Variants in LRRTM4 observed in about 807,000 individuals in gnomAD.
The protein encoded by LRRTM4 is leucine rich repeat transmembrane neuronal 4.
LRRTM4 carries 25 observed loss-of-function variants against 47.6 expected under a neutral mutation model. The ratio of observed to expected loss-of-function variants is 0.53; its 90% CI spans 0.38 to 0.73. The LOEUF is 0.73. Among genes scored for constraint, LRRTM4 ranks in the 30% least tolerant of loss-of-function variants. The probability of loss-of-function intolerance (pLI) is 0.00; values close to 1 mark genes in which losing one functional copy is unlikely to be tolerated. For missense variants in LRRTM4, 638 were observed against 713.4 expected (o/e 0.89, Z 1.20); for synonymous variants, 311 against 269.5 (o/e 1.15, Z -1.51).
At chr2:76,811,258 T>A (rs1670724117) in intron 3 of LRRTM4, among the ~76,000 whole-genome samples, 1 of 152,176 alleles carries the variant, frequency 6.6e-6, no homozygotes, top group South Asian at 2.1e-4. Context: ...CAAGAGTGCA[T>A]GAATTAATCT....
At chr2:76,939,008 A>G (rs1028486142) in intron 3 of LRRTM4, among the ~76,000 whole-genome samples, 6 of 152,050 alleles carry the variant, frequency 3.9e-5, no homozygotes, top group African/African-American at 1.4e-4. Flanking sequence ...TGTGAGTAGG[A>G]GATTATGAAT....
chr2:77,007,127 A>G (rs1558793535), intron 3 of LRRTM4, among the ~76,000 whole-genome samples: 1 of 152,056 alleles, frequency 6.6e-6, no homozygotes, highest in Non-Finnish European at 1.5e-5. Flanking sequence ...AGAGAATTTG[A>G]AATTTTCCTG....
At position 77,247,605 on chromosome 2, in the gene LRRTM4, G is replaced by A. The variant is rs564133544; in HGVS notation, c.1551+270713C>T. 2.0e-5 allele frequency among the ~76,000 whole-genome samples: 3 copies of A among 152,072 alleles called. No individual in the cohort carries two copies. The East Asian group carries it at 5.8e-4, about 29-fold the overall frequency. ...ACAAACTACCTAATAACTCTAAATTGACTCTTATTTTTCATAACTTAGTTG... is the reference window on the plus strand; with the variant it reads ...ACAAACTACCTAATAACTCTAAATTAACTCTTATTTTTCATAACTTAGTTG... On this transcript the variant is annotated intron_variant, in intron 3 of 3. Coordinates refer to ENST00000409884, the MANE Select transcript of LRRTM4 (RefSeq NM_001134745.3).
chr2:77,453,639 A>T (rs997840106), intron 3 of LRRTM4, among the ~76,000 whole-genome samples: 12 of 152,060 alleles, frequency 7.9e-5, no homozygotes, highest in Non-Finnish European at 1.5e-4. Flanking sequence ...GCTTTTCTTG[A>T]TATAATATTT....
chr2:76,933,575 A>G (rs1017305495), intron 3 of LRRTM4, among the ~76,000 whole-genome samples: 1 of 152,128 alleles, frequency 6.6e-6, no homozygotes, highest in Non-Finnish European at 1.5e-5. Flanking sequence ...ATTGCATTTT[A>G]TAATTAATTA....
chr2:76,876,866 T>C (rs780482933), intron 3 of LRRTM4, among the ~76,000 whole-genome samples: 62 of 152,078 alleles, frequency 4.1e-4, no homozygotes, highest in Non-Finnish European at 7.8e-4. Context: ...ATTAATAAAT[T>C]GATAAGCCAG....
Position 77,519,532 on chromosome 2 carries a change from C to G in LRRTM4, c.337G>C (p.Glu113Gln). 2.5e-6 allele frequency: 4 copies of G among 1,613,410 alleles called. No individual in the cohort carries two copies. Among genetic ancestry groups the G allele is most frequent in the African/African-American group, 1.3e-5 (1 of 75,002 alleles). The change falls in exon 3 of 4, where the codon GAA becomes CAA. Residue 113 changes from glutamate to glutamine, a missense_variant. Physicochemically the swap from Glu to Gln is conservative, Grantham distance 29. Transcript: ENST00000409884. The surrounding 1 kb of genome is among the most constrained non-coding windows in gnomAD (Gnocchi z 4.6). Reference sequence around the variant, plus strand: ...ATTTTGTTGGAGCTTAGAATTAATTCTTTCAGTCTACGGATCCCTTGAAAT... The same window carrying G: ...ATTTTGTTGGAGCTTAGAATTAATTGTTTCAGTCTACGGATCCCTTGAAAT... The part of the protein sequence containing the change: ...DAFQGIRRLK[E>Q]LILSSNKITY...
intron 3 of LRRTM4, among the ~76,000 whole-genome samples, chr2:77,210,153 T>G (rs10171377): frequency 0.43 from 65,686 of 152,086 alleles, 16,639 homozygotes; most frequent in Non-Finnish European, 0.56. Context: ...GACTAGGCAT[T>G]TGAAGGAGAA....
At chr2:76,976,363 G>A (rs887414495) in intron 3 of LRRTM4, among the ~76,000 whole-genome samples, 9 of 151,246 alleles carry the variant, frequency 6.0e-5, no homozygotes, top group African/African-American at 1.9e-4. Flanking sequence ...TTTGAATGAA[G>A]AAACCCATAT....
intron 3 of LRRTM4, among the ~76,000 whole-genome samples, chr2:76,936,533 T>C (rs1674955028): frequency 6.7e-6 from 1 of 149,578 alleles, no homozygotes; most frequent in Non-Finnish European, 1.5e-5. Flanking sequence ...CGTGTATGCC[T>C]ATGTAAGAAA....
intron 3 of LRRTM4, among the ~76,000 whole-genome samples, chr2:77,212,556 T>C (rs1464755576): frequency 6.6e-6 from 1 of 150,524 alleles, no homozygotes; most frequent in African/African-American, 2.4e-5. Context: ...TGAGAATATA[T>C]ATATATATAT....
intron 3 of LRRTM4, among the ~76,000 whole-genome samples, chr2:77,447,913 C>T (rs1167388973): frequency 1.3e-5 from 2 of 152,014 alleles, no homozygotes; most frequent in African/African-American, 2.4e-5. Flanking sequence ...GAATGTTGAA[C>T]GTGGGGATTT....
rs901068828 is a variant in LRRTM4 at position 77,025,941 on chromosome 2, T to C, written c.1552-277025A>G. 2.6e-5 allele frequency among the ~76,000 whole-genome samples: 4 copies of C among 152,200 alleles called. 1 individual carries two copies. Among genetic ancestry groups the C allele is most frequent in the Non-Finnish European group, 5.9e-5 (4 of 68,024 alleles). On this transcript the variant is annotated intron_variant, in intron 3 of 3. Transcript: ENST00000409884. ...CCTCAAAAATATTGATAAATTATCT[T>C]GCTAAATAAACAAGTCATGGGACAC...
chr2:77,350,332 CAAAAAAAAAAAAAAAAAA>C lies in LRRTM4; in HGVS notation c.1551+167968_1551+167985del, dbSNP rs61365229. Among the ~76,000 whole-genome samples, 3 of 39,186 alleles carry C rather than the reference CAAAAAAAAAAAAAAAAAA, an allele frequency of 7.7e-5. 1 individual carries two copies. The highest frequency in any genetic ancestry group is 3.5e-3 in the South Asian group (2 of 566). The allele number at this position is 39,186 out of a possible 152,430, so 25.7% of individuals were successfully genotyped here. On this transcript the variant is annotated intron_variant, in intron 3 of 3. Transcript: ENST00000409884. ...TGGGCGACAGAGCAAGACTCCGTCTCAAAAAAAAAAAAAAAAAAAAAAAAAAAAAAAGAAATTGGAAAT... is the reference window on the plus strand; with the variant it reads ...TGGGCGACAGAGCAAGACTCCGTCTCAAAAAAAAAAAAAGAAATTGGAAAT...
intron 3 of LRRTM4, among the ~76,000 whole-genome samples, chr2:76,909,856 G>T (rs1245116318): frequency 2.6e-5 from 4 of 152,190 alleles, no homozygotes; most frequent in Admixed American, 6.5e-5. Context: ...ACAGGTGCTG[G>T]AGAGGATGTG....
intron 3 of LRRTM4, among the ~76,000 whole-genome samples, chr2:76,769,985 C>T (rs907637818): frequency 5.9e-5 from 9 of 152,180 alleles, no homozygotes; most frequent in African/African-American, 2.2e-4. Context: ...CTCGATCAAA[C>T]CTCTGGGCTT....
At chr2:77,389,630 G>A (rs1558720660) in intron 3 of LRRTM4, among the ~76,000 whole-genome samples, 1 of 152,032 alleles carries the variant, frequency 6.6e-6, no homozygotes, top group Admixed American at 6.6e-5. Context: ...TTATCTCAAA[G>A]ACACTGATAG....
intron 3 of LRRTM4, among the ~76,000 whole-genome samples, chr2:77,288,669 G>C (rs1573199708): frequency 6.6e-6 from 1 of 152,046 alleles, no homozygotes; most frequent in East Asian, 1.9e-4. Context: ...ACATTTGTCT[G>C]TCTTCAAATT....
At chr2:77,359,404 G>A (rs1672093591) in intron 3 of LRRTM4, among the ~76,000 whole-genome samples, 1 of 152,048 alleles carries the variant, frequency 6.6e-6, no homozygotes, top group Non-Finnish European at 1.5e-5. Flanking sequence ...CTATGAGTTT[G>A]TCATTCTATT....
Sources: gnomAD v4.1 joint callset for allele counts (sites outside exome capture counted in the v4.1 genomes callset) on GRCh38, gnomAD v4.1.1 for gene constraint, Gnocchi (gnomAD v3.1) non-coding constraint, MANE v1.5 for transcripts, NCBI Gene and HGNC (gene_info 2026-07-23, HGNC 2026-07-21) for gene names.